KIAA2012: variants seen among roughly 807,000 people sequenced by gnomAD.
The protein encoded by KIAA2012 is KIAA2012.
Under a neutral mutation model 150.6 loss-of-function variants are expected in KIAA2012, and 125 were observed. That is an observed-to-expected ratio of 0.83 (90% confidence interval 0.72 to 0.96). The LOEUF (loss-of-function observed/expected upper bound fraction) is 0.96. KIAA2012 is among the 40% of genes least tolerant of loss of function. The pLI is 0.00. For missense variants in KIAA2012, 1,219 were observed against 1,354.9 expected, an observed-to-expected ratio of 0.90 and a Z score of 1.57; for synonymous variants, 462 against 504.7, an observed-to-expected ratio of 0.92 and a Z score of 1.13.
At chr2:202,115,719 G>C (rs934918853) in intron 11 of KIAA2012, 3 of 142,654 alleles carry the variant, frequency 2.1e-5, no homozygotes, top group African/African-American at 5.3e-5. Flanking sequence ...GATCATAGTT[G>C]TTGCTGGGTT....
chr2:202,108,652 A>G (rs945379946), intron 9 of KIAA2012, among the ~76,000 whole-genome samples: 2 of 152,246 alleles, frequency 1.3e-5, no homozygotes, highest in African/African-American at 4.8e-5. Context: ...TGGCAGGAAT[A>G]TCACAGAGGT....
At chr2:202,134,547 A>G (rs138522434) in intron 12 of KIAA2012, among the ~76,000 whole-genome samples, 43 of 152,234 alleles carry the variant, frequency 2.8e-4, no homozygotes, top group African/African-American at 8.4e-4. Context: ...AAATATGACT[A>G]TGTTTCTTTC....
At chr2:202,091,026 T>C in intron 3 of KIAA2012, 97 bp downstream of exon 3, 2 of 1,419,022 alleles carry the variant, frequency 1.4e-6, no homozygotes, top group South Asian at 3.0e-5. Context: ...AACACCAGGA[T>C]TTCAAGCCCA....
chr2:202,100,132 G>T (rs1384328614), intron 6 of KIAA2012, among the ~76,000 whole-genome samples, 175 bp from the exon 7 acceptor site: 1 of 152,182 alleles, frequency 6.6e-6, no homozygotes. Flanking sequence ...TAAAAACCCA[G>T]ATCAGGAGAC....
At chr2:202,090,395 T>C (rs1689686336) in intron 2 of KIAA2012, among the ~76,000 whole-genome samples, 1 of 152,252 alleles carries the variant, frequency 6.6e-6, no homozygotes, top group African/African-American at 2.4e-5. Flanking sequence ...TGAATGCCAA[T>C]GCAGATTTGT....
chr2:202,116,302 T>G (rs750537639), intron 11 of KIAA2012: 2 of 152,054 alleles, frequency 1.3e-5, no homozygotes, highest in South Asian at 2.1e-4. Flanking sequence ...AAATGTTTCT[T>G]GGGTGTTTTT....
At position 202,105,930 on chromosome 2, in the gene KIAA2012, A is replaced by G; in HGVS notation, c.1474+20A>G. ...CTCAAGGTAGCTCCTCCCTCCCTCC[A>G]GCATCCCTCGGGAACCTCACTCTGA... On this transcript the variant is annotated intron_variant, in intron 9 of 23. Coordinates refer to ENST00000498697, the MANE Select transcript of KIAA2012 (RefSeq NM_001277372.4). 3 of 1,550,910 alleles carry G rather than the reference A, an allele frequency of 1.9e-6. No individual in the cohort carries two copies. Among genetic ancestry groups the G allele is most frequent in the Non-Finnish European group, 2.6e-6 (3 of 1,147,068 alleles).
chr2:202,173,980 T>G (rs1017378979), intron 15 of KIAA2012, among the ~76,000 whole-genome samples: 1 of 152,214 alleles, frequency 6.6e-6, no homozygotes, highest in African/African-American at 2.4e-5. Context: ...TTTTTTCTTT[T>G]TTGAGACACA....
At chr2:202,203,753 A>C (rs1008027608) in intron 23 of KIAA2012, among the ~76,000 whole-genome samples, 10 of 150,798 alleles carry the variant, frequency 6.6e-5, no homozygotes, top group Admixed American at 1.3e-4. Flanking sequence ...AAAAAATTAC[A>C]TTGACTCTAC....
chr2:202,116,083 C>T (rs1474304652), intron 11 of KIAA2012: 1 of 152,172 alleles, frequency 6.6e-6, no homozygotes, highest in African/African-American at 2.4e-5. Flanking sequence ...GATTCAAATC[C>T]TTCATCTACT....
chr2:202,108,495 T>C (rs890871381), intron 9 of KIAA2012, among the ~76,000 whole-genome samples: 1 of 152,260 alleles, frequency 6.6e-6, no homozygotes, highest in African/African-American at 2.4e-5. Context: ...GGTCCCACTC[T>C]TTAGAATCTT....
chr2:202,105,858 G>T lies in KIAA2012; in HGVS notation c.1422G>T (p.Glu474Asp). The change falls in exon 9 of 24, where the codon GAG (glutamate) becomes GAT (aspartate). Residue 474 changes from glutamate (E) to aspartate (D), a missense_variant. Coordinates refer to ENST00000498697, the MANE Select transcript of KIAA2012 (RefSeq NM_001277372.4). ...ATGCGTCCTTAGAAACACCATGGGA[G>T]TTAACAGTGCATCTCCCAGTGGACG... ...LKHASLETPW[E>D]LTVHLPVDAS... The T allele has an allele frequency of 6.4e-7, 1 of 1,550,860 alleles. No homozygotes were observed. Among genetic ancestry groups the T allele is most frequent in the Non-Finnish European group, 8.7e-7 (1 of 1,147,048 alleles).
intron 11 of KIAA2012, 47 bp downstream of exon 11, chr2:202,113,493 G>A (rs758178802): frequency 2.2e-6 from 3 of 1,363,852 alleles, no homozygotes; most frequent in African/African-American, 1.5e-5. Flanking sequence ...TTTTTCAAAG[G>A]GGAAGATGTT....
chr2:202,160,053 G>A (rs1691615833), intron 14 of KIAA2012, among the ~76,000 whole-genome samples: 1 of 152,094 alleles, frequency 6.6e-6, no homozygotes, highest in Middle Eastern at 3.2e-3. Context: ...CAGTAATTGT[G>A]CTGATCCCCA....
chr2:202,136,682 G>T (rs906601043), intron 12 of KIAA2012: 1 of 152,464 alleles, frequency 6.6e-6, no homozygotes, highest in African/African-American at 2.4e-5. Context: ...GCCGACGAGC[G>T]AGCTGCTGCA....
intron 12 of KIAA2012, 44 bp from the exon 13 acceptor site, chr2:202,138,388 A>G: frequency 7.0e-7 from 1 of 1,426,698 alleles, no homozygotes; most frequent in South Asian, 1.2e-5. Flanking sequence ...TGAGATCCAG[A>G]TCTGACCACC....
chr2:202,179,221 C>T, intron 15 of KIAA2012: 1 of 667,114 alleles, frequency 1.5e-6, no homozygotes. Context: ...TACAAATTTT[C>T]TAGGGAACAA....
chr2:202,076,465 G>A (rs1490448438), intron 2 of KIAA2012, among the ~76,000 whole-genome samples: 1 of 152,124 alleles, frequency 6.6e-6, no homozygotes, highest in Admixed American at 6.5e-5. Flanking sequence ...AGAGAAGCTT[G>A]ATGATCCTGA....
chr2:202,194,347 G>A lies in KIAA2012; in HGVS notation c.3172G>A (p.Glu1058Lys), dbSNP rs1476031899. The change falls in exon 21 of 24, where the codon GAA (glutamate) becomes AAA (lysine). Residue 1058 changes from glutamate to lysine, a missense_variant. Transcript: ENST00000498697. Reference sequence around the variant, plus strand: ...ACTACAGAGAAAAAAGCAGCAGGAGGAAGCCGAGAGGGCCGGTGAGGGGGT... The same window carrying A: ...ACTACAGAGAAAAAAGCAGCAGGAGAAAGCCGAGAGGGCCGGTGAGGGGGT... ...RELQRKKQQE[E>K]AERAEAEKQR... 6.5e-7 allele frequency: 1 copy of A among 1,550,064 alleles called. No homozygotes were observed. The highest frequency in any genetic ancestry group is 2.0e-5 in the Admixed American group (1 of 50,986).
Sources: gnomAD v4.1 joint callset for allele counts (sites outside exome capture counted in the v4.1 genomes callset) on GRCh38, gnomAD v4.1.1 for gene constraint, MANE v1.5 for transcripts, NCBI Gene and HGNC (gene_info 2026-07-23, HGNC 2026-07-21) for gene names.